TRABD2B: variants seen among roughly 807,000 people sequenced by gnomAD.
TRABD2B encodes the protein TraB domain containing 2B, also known as metalloprotease TIKI2.
In TRABD2B, 14 loss-of-function variants were observed where a neutral mutation model predicts 40.1. That is an observed-to-expected ratio of 0.35 (90% confidence interval 0.23 to 0.55). The LOEUF is 0.55. Among genes scored for constraint, TRABD2B ranks in the 20% least tolerant of loss-of-function variants. The pLI, the probability that TRABD2B is intolerant of heterozygous loss-of-function variation, is 0.90. For synonymous variants in TRABD2B, 263 were observed against 277.0 expected, an observed-to-expected ratio of 0.95 and a Z score of 0.50; for missense variants, 541 against 648.6, an observed-to-expected ratio of 0.83 and a Z score of 1.80.
intron 4 of TRABD2B, among the ~76,000 whole-genome samples, chr1:47,790,903 C>A (rs930045467): frequency 6.6e-6 from 1 of 152,206 alleles, no homozygotes; most frequent in Non-Finnish European, 1.5e-5. Flanking sequence ...TCCCATGAGG[C>A]AGATGTATTG....
intron 2 of TRABD2B, among the ~76,000 whole-genome samples, chr1:47,896,644 T>C (rs1402266518): frequency 2.6e-5 from 4 of 152,172 alleles, no homozygotes; most frequent in African/African-American, 4.8e-5. Context: ...TGCCAGGCTA[T>C]GTGTGATCTG....
chr1:47,810,101 G>A (rs1179827496), intron 2 of TRABD2B, among the ~76,000 whole-genome samples: 1 of 151,964 alleles, frequency 6.6e-6, no homozygotes, highest in African/African-American at 2.4e-5. Flanking sequence ...GAGAGTGATA[G>A]TTGCTATGGA....
At chr1:47,842,091 G>C (rs1300296025) in intron 2 of TRABD2B, among the ~76,000 whole-genome samples, 1 of 152,146 alleles carries the variant, frequency 6.6e-6, no homozygotes, top group East Asian at 1.9e-4. Context: ...CTTCTCCTTT[G>C]CCTTGTTTGA....
intron 2 of TRABD2B, among the ~76,000 whole-genome samples, chr1:47,918,146 T>C (rs972396798): frequency 1.3e-5 from 2 of 152,188 alleles, no homozygotes; most frequent in Non-Finnish European, 2.9e-5. Context: ...TTCCTTGAAG[T>C]GCCCTGAGTG....
intron 2 of TRABD2B, among the ~76,000 whole-genome samples, chr1:47,855,872 A>G (rs776039420): frequency 4.6e-5 from 7 of 152,242 alleles, no homozygotes; most frequent in Non-Finnish European, 1.0e-4. Flanking sequence ...ACACCCTGAT[A>G]CGGAACTTGC....
At chr1:47,905,837 CAG>C (rs1392539480) in intron 2 of TRABD2B, among the ~76,000 whole-genome samples, 4 of 152,150 alleles carry the variant, frequency 2.6e-5, no homozygotes, top group East Asian at 3.9e-4. Flanking sequence ...GAACCAGCTG[CAG>C]AGAGAGCGAG....
intron 2 of TRABD2B, among the ~76,000 whole-genome samples, chr1:47,936,943 CCAT>C (rs1285123429): frequency 2.0e-5 from 3 of 147,718 alleles, no homozygotes; most frequent in Non-Finnish European, 4.5e-5. Context: ...ATCACCATCA[CCAT>C]CATCACCACC....
chr1:47,770,224 G>A lies in TRABD2B; in HGVS notation c.1350-4118C>T, dbSNP rs180819556. ...TGGGTCACAGGTGGCCCTCTGCCTG[G>A]GGATAGAGATCTCACTGTGATCACT... On this transcript the variant is annotated intron_variant, in intron 6 of 6. Transcript: ENST00000606738. Among the ~76,000 whole-genome samples, 5 of 152,272 alleles carry A rather than the reference G, an allele frequency of 3.3e-5. 1 individual carries two copies. Among genetic ancestry groups the A allele is most frequent in the African/African-American group, 1.2e-4 (5 of 41,556 alleles).
At chr1:47,918,325 C>T (rs1644856533) in intron 2 of TRABD2B, among the ~76,000 whole-genome samples, 1 of 152,212 alleles carries the variant, frequency 6.6e-6, no homozygotes, top group Admixed American at 6.5e-5. Flanking sequence ...AATAGGAAAA[C>T]ATTAGCCACC....
At chr1:47,915,479 C>T (rs72898152) in intron 2 of TRABD2B, among the ~76,000 whole-genome samples, 3,321 of 152,286 alleles carry the variant, frequency 0.022, 59 homozygotes, top group South Asian at 0.059. Context: ...TGGCCCAGTC[C>T]CATCCCACTA....
intron 2 of TRABD2B, among the ~76,000 whole-genome samples, chr1:47,982,313 C>T (rs1444233457): frequency 6.6e-6 from 1 of 152,186 alleles, no homozygotes; most frequent in Non-Finnish European, 1.5e-5. Context: ...CTTAAGCCAC[C>T]ACAGTTAACA....
At chr1:47,965,389 C>CA (rs113225973) in intron 2 of TRABD2B, among the ~76,000 whole-genome samples, 3,924 of 136,068 alleles carry the variant, frequency 0.029, 115 homozygotes, top group Admixed American at 0.098. Flanking sequence ...TCCTTCCCTG[C>CA]AAAAAAAAAA....
At chr1:47,911,556 G>A (rs565083695) in intron 2 of TRABD2B, among the ~76,000 whole-genome samples, 8 of 152,358 alleles carry the variant, frequency 5.3e-5, no homozygotes, top group African/African-American at 1.9e-4. Context: ...TTCTGTAAGC[G>A]ACACTCACCT....
At position 47,930,227 on chromosome 1, in the gene TRABD2B, G is replaced by C. The variant is rs143276413; in HGVS notation, c.666+63807C>G. Among the ~76,000 whole-genome samples, 105 of 152,346 alleles carry C rather than the reference G, an allele frequency of 6.9e-4. 1 individual carries two copies. The highest frequency in any genetic ancestry group is 2.5e-3 in the African/African-American group (103 of 41,590). ...TTTCAGTGTCTGATAGGAGATGCCA[G>C]AGAAGAGAAAGACCAGGAGGCCAGG... On this transcript the variant is annotated intron_variant, in intron 2 of 6. Transcript: ENST00000606738.
intron 4 of TRABD2B, among the ~76,000 whole-genome samples, chr1:47,793,649 T>C (rs1402648171): frequency 6.6e-6 from 1 of 152,198 alleles, no homozygotes; most frequent in African/African-American, 2.4e-5. Context: ...GCAACCCAAA[T>C]TGCAGGTAAC....
At chr1:47,878,501 T>C (rs773174322) in intron 2 of TRABD2B, among the ~76,000 whole-genome samples, 1 of 152,140 alleles carries the variant, frequency 6.6e-6, no homozygotes, top group African/African-American at 2.4e-5. Flanking sequence ...AGTGACACCA[T>C]AGCGAGTGAA....
At position 47,813,680 on chromosome 1, in the gene TRABD2B, C is replaced by T. The variant is rs1293607538; in HGVS notation, c.667-12061G>A. Among the ~76,000 whole-genome samples, 1 of 152,174 alleles carries T rather than the reference C, an allele frequency of 6.6e-6. No homozygotes were observed. Among genetic ancestry groups the T allele is most frequent in the Non-Finnish European group, 1.5e-5 (1 of 68,030 alleles). ...ACCTTGTAAAGCAATATTGCCCTTC[C>T]TTAGGACACATACCCACACCCACAC... On this transcript the variant is annotated intron_variant, in intron 2 of 6. Coordinates refer to ENST00000606738, the MANE Select transcript of TRABD2B (RefSeq NM_001194986.2). This position sits in a 1 kb window ranked among gnomAD's most constrained non-coding sequence, Gnocchi z 4.3.
chr1:47,930,290 A>G (rs1322364891), intron 2 of TRABD2B, among the ~76,000 whole-genome samples: 1 of 152,220 alleles, frequency 6.6e-6, no homozygotes, highest in East Asian at 1.9e-4. Flanking sequence ...ACAAAGCTTT[A>G]GCCCTAGAGA....
chr1:47,946,443 G>A (rs1645261284), intron 2 of TRABD2B, among the ~76,000 whole-genome samples: 1 of 152,062 alleles, frequency 6.6e-6, no homozygotes, highest in Non-Finnish European at 1.5e-5. Flanking sequence ...TTTTTATCAT[G>A]AGCAATATTG....
Sources: gnomAD v4.1 joint callset for allele counts (sites outside exome capture counted in the v4.1 genomes callset) on GRCh38, gnomAD v4.1.1 for gene constraint, Gnocchi (gnomAD v3.1) non-coding constraint, MANE v1.5 for transcripts, NCBI Gene and HGNC (gene_info 2026-07-23, HGNC 2026-07-21) for gene names.